Variants in SRRM4 observed in about 807,000 individuals in gnomAD.
SRRM4 encodes the protein serine/arginine repetitive matrix 4.
SRRM4 carries 33 observed loss-of-function variants against 68.9 expected under a neutral mutation model. That is an observed-to-expected ratio of 0.48 (90% CI 0.36 to 0.64). The LOEUF is 0.64. Among genes scored for constraint, SRRM4 ranks in the 30% least tolerant of loss-of-function variants. The pLI, the probability that SRRM4 is intolerant of heterozygous loss-of-function variation, is 0.00. For synonymous variants in SRRM4, 318 were observed against 318.8 expected, an observed-to-expected ratio of 1.00 and a Z score of 0.03; for missense variants, 817 against 827.1, an observed-to-expected ratio of 0.99 and a Z score of 0.15.
chr12:119,043,282 C>T (rs578099275), intron 1 of SRRM4, among the ~76,000 whole-genome samples: 8 of 152,208 alleles, frequency 5.3e-5, no homozygotes, highest in South Asian at 2.1e-4. Flanking sequence ...AGCAAACTCA[C>T]GCAAGAACAG....
At chr12:119,144,641 C>A (rs1954389241) in intron 8 of SRRM4, 1 of 152,204 alleles carries the variant, frequency 6.6e-6, no homozygotes, top group African/African-American at 2.4e-5. Context: ...GGGAAAAGGA[C>A]ACACACAAAT....
In SRRM4 at chr12:119,067,150, A is replaced by ATT. The variant is rs11430947; in HGVS notation, c.132-35076_132-35075dup. On this transcript the variant is annotated intron_variant, in intron 1 of 12. Transcript: ENST00000267260. ...CACCCCAAATTATCCACTTTCCTTC[A>ATT]TTTTTTTTTTTGGATAGTCATGCAC... Among the ~76,000 whole-genome samples the ATT allele has an allele frequency of 3.4e-3, 500 of 148,522 alleles. 8 individuals carry two copies. Among genetic ancestry groups the ATT allele is most frequent in the Middle Eastern group, 0.014 (4 of 292 alleles).
intron 1 of SRRM4, among the ~76,000 whole-genome samples, chr12:119,020,928 CTCGCCCG>C (rs1565890815): frequency 3.3e-5 from 5 of 152,198 alleles, no homozygotes; most frequent in African/African-American, 1.2e-4. Context: ...GAGATGCCTT[CTCGCCCG>C]TAGAGGGCGC....
intron 1 of SRRM4, among the ~76,000 whole-genome samples, chr12:119,055,546 G>A (rs564087883): frequency 1.3e-4 from 20 of 152,246 alleles, no homozygotes; most frequent in Admixed American, 8.5e-4. Context: ...CTGAAATGCC[G>A]CACATTTGGT....
intron 1 of SRRM4, among the ~76,000 whole-genome samples, chr12:118,995,869 T>C (rs573230354): frequency 6.6e-6 from 1 of 152,334 alleles, no homozygotes; most frequent in East Asian, 1.9e-4. Context: ...TATTCATCCA[T>C]CCATCCACCC....
intron 1 of SRRM4, among the ~76,000 whole-genome samples, chr12:119,009,465 G>A (rs1210130292): frequency 1.3e-5 from 2 of 152,140 alleles, no homozygotes; most frequent in Non-Finnish European, 1.5e-5. Context: ...TTTCTGACTG[G>A]GGTTACCCAC....
intron 1 of SRRM4, among the ~76,000 whole-genome samples, chr12:118,987,322 C>T (rs1160560128): frequency 6.6e-6 from 1 of 152,164 alleles, no homozygotes; most frequent in Non-Finnish European, 1.5e-5. Flanking sequence ...GGCTACCCAA[C>T]GAGATGCAGA....
At chr12:119,049,157 T>C (rs1208642757) in intron 1 of SRRM4, among the ~76,000 whole-genome samples, 4 of 151,986 alleles carry the variant, frequency 2.6e-5, no homozygotes, top group Non-Finnish European at 5.9e-5. Flanking sequence ...TGACACGTGG[T>C]AAGGGGGATA....
intron 10 of SRRM4, among the ~76,000 whole-genome samples, chr12:119,152,125 T>C (rs758909416): frequency 1.3e-5 from 2 of 152,134 alleles, no homozygotes; most frequent in Non-Finnish European, 1.5e-5. Context: ...TCCAAACGAA[T>C]CAACCCATAA....
At chr12:118,987,735 C>G (rs1310912108) in intron 1 of SRRM4, among the ~76,000 whole-genome samples, 1 of 152,154 alleles carries the variant, frequency 6.6e-6, no homozygotes, top group African/African-American at 2.4e-5. Context: ...AGTGTTGGCT[C>G]TTGCTATTAA....
chr12:119,144,384 C>T (rs138242850), intron 8 of SRRM4, among the ~76,000 whole-genome samples: 51 of 152,240 alleles, frequency 3.3e-4, no homozygotes, highest in African/African-American at 1.2e-3. Context: ...TGCCCCCACC[C>T]GTCAAGGGCA....
chr12:119,076,031 ATGG>A (rs1953913599), intron 1 of SRRM4, among the ~76,000 whole-genome samples: 2 of 151,584 alleles, frequency 1.3e-5, no homozygotes, highest in African/African-American at 4.9e-5. Context: ...GATGGTGGTG[ATGG>A]TGATGATGAT....
intron 1 of SRRM4, among the ~76,000 whole-genome samples, chr12:118,988,636 TA>T (rs372849090): frequency 2.0e-4 from 31 of 151,562 alleles, no homozygotes; most frequent in Middle Eastern, 3.4e-3. Context: ...GCACGTTGGC[TA>T]AAAAAAAATT....
At chr12:119,102,127 C>T in intron 1 of SRRM4, 109 bp from the exon 2 acceptor site, 2 of 1,144,250 alleles carry the variant, frequency 1.7e-6, no homozygotes, top group South Asian at 3.4e-5. Context: ...TGGGCTCAAC[C>T]TAACTGTAAG....
chr12:119,155,338 C>T (rs1370151319), intron 12 of SRRM4, among the ~76,000 whole-genome samples: 1 of 152,194 alleles, frequency 6.6e-6, no homozygotes, highest in Non-Finnish European at 1.5e-5. Flanking sequence ...TCAGTCCAGA[C>T]ACTGGACTGA....
chr12:119,087,464 C>T (rs992144987), intron 1 of SRRM4, among the ~76,000 whole-genome samples: 17 of 152,146 alleles, frequency 1.1e-4, no homozygotes, highest in South Asian at 6.2e-4. Flanking sequence ...ACATTTCATT[C>T]GGACTTTTTT....
At chr12:119,114,189 G>A in intron 2 of SRRM4, 89 bp from the exon 3 acceptor site, 1 of 1,107,528 alleles carries the variant, frequency 9.0e-7, no homozygotes, top group Non-Finnish European at 1.3e-6. Flanking sequence ...ATCATCCAAG[G>A]ACCTGGGTCC....
At chr12:119,049,329 T>C (rs751556021) in intron 1 of SRRM4, among the ~76,000 whole-genome samples, 9 of 152,098 alleles carry the variant, frequency 5.9e-5, no homozygotes, top group Non-Finnish European at 1.2e-4. Context: ...CAAAAGCTAG[T>C]GGTGGGTGTA....
intron 1 of SRRM4, among the ~76,000 whole-genome samples, chr12:118,996,264 G>A (rs968024827): frequency 6.6e-6 from 1 of 152,068 alleles, no homozygotes; most frequent in African/African-American, 2.4e-5. Context: ...AGAATCACAG[G>A]CATCTTGGGT....
Sources: allele counts gnomAD v4.1 joint callset (sites outside exome capture counted in the v4.1 genomes callset), GRCh38; gene constraint gnomAD v4.1.1; transcripts MANE v1.5; gene names NCBI Gene and HGNC (gene_info 2026-07-23, HGNC 2026-07-21).